The following CHN2 variants were observed in gnomAD, a reference collection of about 807,000 sequenced individuals.
CHN2 encodes chimerin 2, also known as beta-chimaerin.
A neutral mutation model predicts 56.3 loss-of-function variants in CHN2; 35 were observed. The ratio of observed to expected loss-of-function variants is 0.62; its 90% confidence interval spans 0.47 to 0.82. CHN2 has a LOEUF of 0.82. Among genes scored for constraint, CHN2 ranks in the 40% least tolerant of loss-of-function variants. The pLI is 0.00. For missense variants in CHN2, 491 were observed against 580.5 expected (o/e 0.85, Z 1.58); for synonymous variants, 210 against 212.8 (o/e 0.99, Z 0.12).
intron 1 of CHN2, among the ~76,000 whole-genome samples, chr7:29,255,410 G>A (rs934902272): frequency 2.0e-5 from 3 of 152,276 alleles, no homozygotes; most frequent in East Asian, 1.9e-4. Flanking sequence ...GAATAATCAC[G>A]AGGCAAGGAG....
At chr7:29,414,849 G>C (rs989276866) in intron 6 of CHN2, among the ~76,000 whole-genome samples, 2 of 152,082 alleles carry the variant, frequency 1.3e-5, no homozygotes, top group African/African-American at 4.8e-5. Flanking sequence ...GCCTTCCCCA[G>C]GCTCCTGTCC....
intron 1 of CHN2, among the ~76,000 whole-genome samples, chr7:29,257,806 G>C (rs1789193728): frequency 6.6e-6 from 1 of 152,006 alleles, no homozygotes; most frequent in Admixed American, 6.6e-5. Flanking sequence ...TTTTGTTTTT[G>C]AGACGGGGTC....
chr7:29,226,519 G>A (rs1015868746), intron 1 of CHN2, among the ~76,000 whole-genome samples: 2 of 152,172 alleles, frequency 1.3e-5, no homozygotes, highest in Non-Finnish European at 2.9e-5. Context: ...TCAGTGCACA[G>A]TAACCACCAG....
chr7:29,440,264 A>G (rs1783534691), intron 6 of CHN2, among the ~76,000 whole-genome samples: 1 of 152,236 alleles, frequency 6.6e-6, no homozygotes, highest in African/African-American at 2.4e-5. Context: ...CATAGCATTT[A>G]TAGGATACAA....
chr7:29,214,503 T>C (rs1336329734), intron 1 of CHN2, among the ~76,000 whole-genome samples: 1 of 152,192 alleles, frequency 6.6e-6, no homozygotes, highest in Non-Finnish European at 1.5e-5. Flanking sequence ...ATCTCAACTC[T>C]TACAGAATTC....
intron 4 of CHN2, chr7:29,397,245 A>G (rs1398051726): frequency 6.6e-6 from 1 of 152,242 alleles, no homozygotes; most frequent in African/African-American, 2.4e-5. Flanking sequence ...GAATTAGGAA[A>G]TAAATATTGT....
chr7:29,242,129 G>C (rs1787731935), intron 1 of CHN2, among the ~76,000 whole-genome samples: 1 of 152,058 alleles, frequency 6.6e-6, no homozygotes, highest in Admixed American at 6.6e-5. Context: ...ATTTCTCTTT[G>C]TAGTTAAGCG....
intron 7 of CHN2, 22 bp downstream of exon 7, chr7:29,480,378 T>G (rs771554646): frequency 6.2e-7 from 1 of 1,610,382 alleles, no homozygotes; most frequent in African/African-American, 1.3e-5. Context: ...TCTGCATTCC[T>G]TCTTCTGTTA....
At chr7:29,188,789 A>G (rs915962962) in intron 2 of CHN2, among the ~76,000 whole-genome samples, 4 of 152,186 alleles carry the variant, frequency 2.6e-5, no homozygotes, top group Non-Finnish European at 5.9e-5. Flanking sequence ...TGCTGAAAAG[A>G]AAGTCGTCAC....
chr7:29,208,109 A>G (rs924177812), intron 1 of CHN2, among the ~76,000 whole-genome samples: 4 of 152,330 alleles, frequency 2.6e-5, no homozygotes, highest in South Asian at 2.1e-4. Context: ...CTCTAGGTAG[A>G]TAAACTTTCT....
chr7:29,283,197 C>T (rs899003270), intron 1 of CHN2, among the ~76,000 whole-genome samples: 1 of 152,138 alleles, frequency 6.6e-6, no homozygotes, highest in South Asian at 2.1e-4. Flanking sequence ...ACGTGCTTAC[C>T]TGGTGGCAGG....
intron 1 of CHN2, among the ~76,000 whole-genome samples, chr7:29,209,733 A>G (rs1023786866): frequency 6.6e-6 from 1 of 152,202 alleles, no homozygotes; most frequent in African/African-American, 2.4e-5. Context: ...TAAGGCTTTC[A>G]TTTATGAGAA....
At chr7:29,408,123 G>T (rs998749999) in intron 6 of CHN2, among the ~76,000 whole-genome samples, 1 of 151,910 alleles carries the variant, frequency 6.6e-6, no homozygotes, top group African/African-American at 2.4e-5. Flanking sequence ...TCAGAAGGCG[G>T]AGGTTGTAGT....
intron 1 of CHN2, among the ~76,000 whole-genome samples, chr7:29,290,487 T>G (rs1187855049): frequency 1.3e-5 from 2 of 152,280 alleles, no homozygotes; most frequent in East Asian, 3.9e-4. Context: ...CTGGGCCATC[T>G]TACGGCTTAG....
intron 1 of CHN2, among the ~76,000 whole-genome samples, chr7:29,283,255 A>G (rs1407363009): frequency 6.6e-6 from 1 of 152,202 alleles, no homozygotes; most frequent in Non-Finnish European, 1.5e-5. Context: ...CTGCCTTAGC[A>G]ACCCCTTGAG....
chr7:29,213,384 A>AAT (rs1235208590), intron 1 of CHN2, among the ~76,000 whole-genome samples: 1 of 152,178 alleles, frequency 6.6e-6, no homozygotes, highest in Non-Finnish European at 1.5e-5. Context: ...GTTGGAGCCT[A>AAT]ATCAGAGAGG....
At chr7:29,353,063 C>G (rs559371449) in intron 1 of CHN2, among the ~76,000 whole-genome samples, 1 of 152,310 alleles carries the variant, frequency 6.6e-6, no homozygotes, top group African/African-American at 2.4e-5. Context: ...CACTAACGCA[C>G]TGACTGTGTG....
intron 1 of CHN2, among the ~76,000 whole-genome samples, chr7:29,313,034 A>C (rs575387764): frequency 3.8e-4 from 58 of 152,242 alleles, no homozygotes; most frequent in African/African-American, 1.4e-3. Context: ...CATACAACTC[A>C]TATTTCCAGA....
chr7:29,294,093 C>T (rs184685924), intron 1 of CHN2, among the ~76,000 whole-genome samples: 1 of 152,148 alleles, frequency 6.6e-6, no homozygotes, highest in East Asian at 1.9e-4. Context: ...GTCTCGATCT[C>T]CTGACCTCGT....
Sources: allele counts gnomAD v4.1 joint callset (sites outside exome capture counted in the v4.1 genomes callset), GRCh38; gene constraint gnomAD v4.1.1; transcripts MANE v1.5; gene names NCBI Gene and HGNC (gene_info 2026-07-23, HGNC 2026-07-21).